MARCHF1: variants seen among roughly 807,000 people sequenced by gnomAD.
MARCHF1 encodes the protein E3 ubiquitin-protein ligase MARCHF1.
In MARCHF1, 40 loss-of-function variants were observed where a neutral mutation model predicts 54.2. The observed-to-expected ratio is 0.74, with a 90% confidence interval of 0.57 to 0.96. The LOEUF is 0.96. Among genes scored for constraint, MARCHF1 ranks in the 40% least tolerant of loss-of-function variants. The pLI, the probability that MARCHF1 is intolerant of heterozygous loss-of-function variation, is 0.00. For missense variants in MARCHF1, 586 were observed against 656.5 expected (o/e 0.89, Z 1.17); for synonymous variants, 236 against 236.3 (o/e 1.00, Z 0.01).
At chr4:164,092,336 T>C (rs1480237873) in intron 2 of MARCHF1, among the ~76,000 whole-genome samples, 2 of 152,164 alleles carry the variant, frequency 1.3e-5, no homozygotes, top group Non-Finnish European at 2.9e-5. Flanking sequence ...GGTAAGGCCA[T>C]ATTCACTATC....
intron 1 of MARCHF1, among the ~76,000 whole-genome samples, chr4:164,123,706 G>C (rs181661248): frequency 6.6e-6 from 1 of 152,068 alleles, no homozygotes; most frequent in African/African-American, 2.4e-5. Flanking sequence ...GGAAAAGACA[G>C]TCTCTTCAAT....
At chr4:164,368,782 T>C (rs964743400) in intron 1 of MARCHF1, among the ~76,000 whole-genome samples, 8 of 152,140 alleles carry the variant, frequency 5.3e-5, no homozygotes, top group Admixed American at 1.3e-4. Flanking sequence ...ACTTCCACAG[T>C]AAGGAGAAAA....
intron 1 of MARCHF1, among the ~76,000 whole-genome samples, chr4:164,266,248 CTT>C (rs1733608259): frequency 6.6e-6 from 1 of 152,142 alleles, no homozygotes; most frequent in Admixed American, 6.6e-5. Context: ...TGATAGGTCT[CTT>C]GATGTCATTT....
intron 1 of MARCHF1, among the ~76,000 whole-genome samples, chr4:164,311,573 T>C (rs1428536176): frequency 1.4e-4 from 21 of 152,240 alleles, no homozygotes; most frequent in Admixed American, 1.4e-3. Context: ...TGTAGTTAGT[T>C]TCTGGTTGCT....
chr4:163,934,235 A>G (rs1751744186), intron 3 of MARCHF1, among the ~76,000 whole-genome samples: 1 of 152,158 alleles, frequency 6.6e-6, no homozygotes, highest in African/African-American at 2.4e-5. Flanking sequence ...GTAACAGCAG[A>G]GCAACATAAA....
Position 163,833,611 on chromosome 4 carries a change from G to C in MARCHF1, c.111+20410C>G, listed in dbSNP as rs953480695. ...ACATTTATGCAGCCAAAAAACACAT[G>C]AAAAAATGCTCATCATCACCGGCCA... On this transcript the variant is annotated intron_variant, in intron 4 of 9. Transcript: ENST00000514618. 6.0e-4 allele frequency among the ~76,000 whole-genome samples: 91 copies of C among 152,200 alleles called. 1 individual carries two copies. The highest frequency in any genetic ancestry group is 2.0e-3 in the African/African-American group (85 of 41,540).
At chr4:164,097,878 C>T (rs6536795) in intron 2 of MARCHF1, among the ~76,000 whole-genome samples, 127,696 of 152,112 alleles carry the variant, frequency 0.84, 54,108 homozygotes, top group Non-Finnish European at 0.89. Flanking sequence ...ACCAGTGCCT[C>T]TGTAGGTCAT....
At chr4:164,085,128 T>TA (rs1311016943) in intron 2 of MARCHF1, among the ~76,000 whole-genome samples, 1 of 151,848 alleles carries the variant, frequency 6.6e-6, no homozygotes, top group Non-Finnish European at 1.5e-5. Context: ...TAAGTTGACA[T>TA]ATATCCCAAA....
At chr4:163,684,501 T>C (rs1211774881) in intron 5 of MARCHF1, among the ~76,000 whole-genome samples, 1 of 152,244 alleles carries the variant, frequency 6.6e-6, no homozygotes, top group African/African-American at 2.4e-5. Flanking sequence ...TACCATTTGT[T>C]CTTTTTACCA....
chr4:163,917,781 G>A (rs956468269), intron 3 of MARCHF1, among the ~76,000 whole-genome samples: 5 of 151,886 alleles, frequency 3.3e-5, no homozygotes, highest in African/African-American at 7.2e-5. Flanking sequence ...CTCTCTCACC[G>A]CTTATAGATT....
intron 1 of MARCHF1, among the ~76,000 whole-genome samples, chr4:164,326,740 C>T (rs1735290366): frequency 6.6e-6 from 1 of 152,200 alleles, no homozygotes; most frequent in South Asian, 2.1e-4. Flanking sequence ...GCAACTAACA[C>T]ATTTTCAATT....
rs58385154 is a variant in MARCHF1 at position 164,325,333 on chromosome 4, T to TTATATATATATATATATATATATATA, written c.-323+58536_-323+58537insTATATATATATATATATATATATATA. Among the ~76,000 whole-genome samples the TTATATATATATATATATATATATATA allele has an allele frequency of 1.1e-3, 146 of 138,336 alleles. 1 individual carries two copies. Among genetic ancestry groups the TTATATATATATATATATATATATATA allele is most frequent in the South Asian group, 7.0e-3 (28 of 3,984 alleles). The allele number at this position is 138,336 out of a possible 152,430, so 90.8% of individuals were successfully genotyped here. A position where few individuals can be genotyped will look rare whatever the true frequency, so the allele number is the denominator to read the frequency against. The stretch of plus-strand genomic sequence containing the variant: ...GGACCAGTGAGTTGGTAGACAGAAA[T>TTATATATATATATATATATATATATA]TATATATATATATATATATATATTT... On this transcript the variant is annotated intron_variant, in intron 1 of 9. Coordinates refer to ENST00000514618, the MANE Select transcript of MARCHF1 (RefSeq NM_001394959.1).
intron 9 of MARCHF1, among the ~76,000 whole-genome samples, chr4:163,539,058 T>A (rs1436180871): frequency 6.6e-6 from 1 of 151,642 alleles, no homozygotes; most frequent in Non-Finnish European, 1.5e-5. Flanking sequence ...CTTGCTTCTG[T>A]CACCCAAGCT....
At chr4:163,936,384 G>A (rs1751795436) in intron 3 of MARCHF1, among the ~76,000 whole-genome samples, 1 of 152,122 alleles carries the variant, frequency 6.6e-6, no homozygotes, top group African/African-American at 2.4e-5. Flanking sequence ...CAACAAAATT[G>A]CATTGTGAAA....
chr4:163,857,344 C>G (rs1389424446), intron 3 of MARCHF1, among the ~76,000 whole-genome samples: 2 of 152,062 alleles, frequency 1.3e-5, no homozygotes, highest in Non-Finnish European at 2.9e-5. Flanking sequence ...CCTCTGTAGA[C>G]CAGCCTTCTT....
chr4:164,135,069 C>G (rs1756374009), intron 1 of MARCHF1, among the ~76,000 whole-genome samples: 1 of 152,144 alleles, frequency 6.6e-6, no homozygotes, highest in African/African-American at 2.4e-5. Flanking sequence ...CATAGTCCTC[C>G]TGGTTGGTTA....
chr4:163,584,717 A>G (rs150847636), intron 8 of MARCHF1: 3 of 152,352 alleles, frequency 2.0e-5, no homozygotes, highest in East Asian at 3.9e-4. Context: ...AAGAATTGCA[A>G]TGGTCAGCCA....
chr4:164,172,011 C>A (rs921410842), intron 1 of MARCHF1, among the ~76,000 whole-genome samples: 4 of 152,156 alleles, frequency 2.6e-5, no homozygotes, highest in Admixed American at 2.6e-4. Context: ...GCCCGTCTCT[C>A]CAACATGGGG....
At chr4:163,634,283 T>A (rs1490300773) in intron 5 of MARCHF1, among the ~76,000 whole-genome samples, 1 of 150,684 alleles carries the variant, frequency 6.6e-6, no homozygotes, top group African/African-American at 2.5e-5. Flanking sequence ...AATGCTCCAA[T>A]TAAAACACAC....
Sources: gnomAD v4.1 joint callset for allele counts (sites outside exome capture counted in the v4.1 genomes callset) on GRCh38, gnomAD v4.1.1 for gene constraint, MANE v1.5 for transcripts, NCBI Gene and HGNC (gene_info 2026-07-23, HGNC 2026-07-21) for gene names.